Variants in UBE2E2 observed in about 807,000 individuals in gnomAD.
The protein encoded by UBE2E2 is ubiquitin conjugating enzyme E2 E2.
Under a neutral mutation model 24.7 loss-of-function variants are expected in UBE2E2, and 6 were observed. That is an observed-to-expected ratio of 0.24 (90% CI 0.13 to 0.48). The LOEUF is 0.48. UBE2E2 is among the 20% of genes least tolerant of loss of function. The pLI is 0.99. For missense variants in UBE2E2, 169 were observed against 245.0 expected (o/e 0.69, Z 2.07); for synonymous variants, 104 against 83.6 (o/e 1.24, Z -1.33).
intron 3 of UBE2E2, among the ~76,000 whole-genome samples, chr3:23,326,814 C>G (rs1038734769): frequency 3.3e-5 from 5 of 152,062 alleles, no homozygotes; most frequent in Admixed American, 3.3e-4. Flanking sequence ...CTAATGCTGT[C>G]CCTCCCCACT....
At chr3:23,320,362 C>T (rs886911554) in intron 3 of UBE2E2, among the ~76,000 whole-genome samples, 3 of 152,172 alleles carry the variant, frequency 2.0e-5, no homozygotes, top group African/African-American at 4.8e-5. Flanking sequence ...GCTTGAATAG[C>T]CTTTTTCTTT....
intron 3 of UBE2E2, among the ~76,000 whole-genome samples, chr3:23,361,618 G>T (rs746712667): frequency 6.6e-6 from 1 of 152,188 alleles, no homozygotes; most frequent in South Asian, 2.1e-4. Context: ...GTAAGTGGAA[G>T]CTAAGCTATG....
chr3:23,532,293 A>G (rs1399252954), intron 4 of UBE2E2, among the ~76,000 whole-genome samples: 5 of 152,214 alleles, frequency 3.3e-5, no homozygotes, highest in African/African-American at 1.2e-4. Context: ...CATTTGTTAA[A>G]TAACAGGACT....
intron 1 of UBE2E2, 118 bp downstream of exon 1, chr3:23,203,582 G>A: frequency 1.7e-6 from 1 of 590,698 alleles, no homozygotes; most frequent in Non-Finnish European, 2.1e-6. Flanking sequence ...CACCGCTCGT[G>A]CCCTAGTTCC....
chr3:23,339,710 A>AT (rs561240215), intron 3 of UBE2E2, among the ~76,000 whole-genome samples: 21 of 151,404 alleles, frequency 1.4e-4, no homozygotes, highest in Non-Finnish European at 2.7e-4. Flanking sequence ...TCACTTGAGG[A>AT]TTTTTTTTTA....
At chr3:23,519,245 C>G (rs1402868758) in intron 4 of UBE2E2, among the ~76,000 whole-genome samples, 2 of 137,262 alleles carry the variant, frequency 1.5e-5, no homozygotes, top group Non-Finnish European at 3.1e-5. Context: ...TCTACTTTAC[C>G]AAGGTTTTTT....
chr3:23,228,799 G>A (rs539977624), intron 3 of UBE2E2, among the ~76,000 whole-genome samples: 114 of 152,228 alleles, frequency 7.5e-4, no homozygotes, highest in African/African-American at 2.4e-3. Context: ...CTTCTAAAAC[G>A]TTTAATAGAA....
intron 3 of UBE2E2, among the ~76,000 whole-genome samples, chr3:23,222,257 C>T (rs905981876): frequency 2.6e-5 from 4 of 152,112 alleles, no homozygotes; most frequent in Non-Finnish European, 5.9e-5. Context: ...TGTTAATGGG[C>T]ACTCAGGTTG....
At chr3:23,264,952 G>T (rs1698005843) in intron 3 of UBE2E2, among the ~76,000 whole-genome samples, 1 of 152,172 alleles carries the variant, frequency 6.6e-6, no homozygotes, top group Non-Finnish European at 1.5e-5. Context: ...ACTGAAAAGT[G>T]TTCACTACAT....
In UBE2E2 at chr3:23,533,162, G is replaced by T. The variant is rs73043697; in HGVS notation, c.508+461G>T. Among the ~76,000 whole-genome samples, 11 of 152,048 alleles carry T rather than the reference G, an allele frequency of 7.2e-5. 1 individual carries two copies. The South Asian group carries it at 8.3e-4, about 11-fold the overall frequency. ...GTGCATCCTGACAAGCTATTATAAC[G>T]GTCCTGAATGGTCTGTTCTAGGAAA... On this transcript the variant is annotated intron_variant, in intron 5 of 5. Coordinates refer to ENST00000396703, the MANE Select transcript of UBE2E2 (RefSeq NM_152653.4).
intron 3 of UBE2E2, among the ~76,000 whole-genome samples, chr3:23,392,536 G>A (rs1696962944): frequency 6.6e-6 from 1 of 151,972 alleles, no homozygotes; most frequent in African/African-American, 2.4e-5. Flanking sequence ...GAGGGAGGGG[G>A]ATGATATTAA....
At chr3:23,215,754 T>C (rs2125321172) in intron 2 of UBE2E2, among the ~76,000 whole-genome samples, 1 of 152,282 alleles carries the variant, frequency 6.6e-6, no homozygotes, top group South Asian at 2.1e-4. Flanking sequence ...GTATGTCCCC[T>C]ACCCACCCAG....
chr3:23,512,349 C>G (rs1040098633), intron 4 of UBE2E2, among the ~76,000 whole-genome samples: 20 of 152,230 alleles, frequency 1.3e-4, no homozygotes, highest in Middle Eastern at 6.8e-3. Flanking sequence ...TCCCAAGTAG[C>G]CAGGACTACA....
At chr3:23,319,555 GC>G (rs1245947036) in intron 3 of UBE2E2, among the ~76,000 whole-genome samples, 7 of 152,026 alleles carry the variant, frequency 4.6e-5, no homozygotes, top group Non-Finnish European at 8.8e-5. Flanking sequence ...TCTCTACCAG[GC>G]ATGGTGGCTC....
intron 3 of UBE2E2, among the ~76,000 whole-genome samples, chr3:23,300,719 T>G (rs1351613813): frequency 6.6e-6 from 1 of 152,110 alleles, no homozygotes; most frequent in Non-Finnish European, 1.5e-5. Flanking sequence ...CCTTAACATT[T>G]TTTCCTTCAT....
chr3:23,423,394 T>A lies in UBE2E2; in HGVS notation c.228-76214T>A, dbSNP rs140701968. 4.7e-4 allele frequency among the ~76,000 whole-genome samples: 71 copies of A among 152,342 alleles called. No homozygotes were observed. The Middle Eastern group carries it at 0.014, about 29-fold the overall frequency. On this transcript the variant is annotated intron_variant, in intron 3 of 5. Coordinates refer to ENST00000396703, the MANE Select transcript of UBE2E2 (RefSeq NM_152653.4). The stretch of plus-strand genomic sequence containing the variant: ...TTATCTTGATACTAAAGATAAGAAA[T>A]AGATCTCTGCTATTTCATTTTTCTT...
At chr3:23,458,381 A>G (rs9831176) in intron 3 of UBE2E2, among the ~76,000 whole-genome samples, 170 of 59,214 alleles carry the variant, frequency 2.9e-3, no homozygotes, top group African/African-American at 0.019. Flanking sequence ...ATCACTGATC[A>G]GAGAGATCGC....
At chr3:23,317,301 C>T (rs1694608984) in intron 3 of UBE2E2, among the ~76,000 whole-genome samples, 2 of 152,270 alleles carry the variant, frequency 1.3e-5, no homozygotes, top group East Asian at 1.9e-4. Context: ...TAGTGCTGGT[C>T]TCAATGCCTT....
At chr3:23,423,789 A>T (rs1364288046) in intron 3 of UBE2E2, among the ~76,000 whole-genome samples, 1 of 152,220 alleles carries the variant, frequency 6.6e-6, no homozygotes, top group Non-Finnish European at 1.5e-5. Flanking sequence ...ATATGATAAT[A>T]AACCCTACAT....
Sources: gnomAD v4.1 joint callset for allele counts (sites outside exome capture counted in the v4.1 genomes callset) on GRCh38, gnomAD v4.1.1 for gene constraint, MANE v1.5 for transcripts, NCBI Gene and HGNC (gene_info 2026-07-23, HGNC 2026-07-21) for gene names.